ROCK2: variants seen among roughly 807,000 people sequenced by gnomAD.
ROCK2 encodes the protein Rho associated coiled-coil containing protein kinase 2, also known as rho-associated protein kinase 2.
A neutral mutation model predicts 195.1 loss-of-function variants in ROCK2; 61 were observed. The observed-to-expected ratio is 0.31, with a 90% CI of 0.25 to 0.39. The LOEUF (loss-of-function observed/expected upper bound fraction) is 0.39, where lower values mean the gene tolerates loss of function less well. Ranked by LOEUF, ROCK2 falls within the 10% of genes least tolerant of loss-of-function variation. The probability of loss-of-function intolerance (pLI) is 1.00; values close to 1 mark genes in which losing one functional copy is unlikely to be tolerated. For missense variants in ROCK2, 1,109 were observed against 1,637.4 expected (o/e 0.68, Z 5.57); for synonymous variants, 504 against 545.5 (o/e 0.92, Z 1.06).
chr2:11,234,952 G>A (rs2148103603), intron 5 of ROCK2, among the ~76,000 whole-genome samples: 1 of 152,128 alleles, frequency 6.6e-6, no homozygotes, highest in South Asian at 2.1e-4. Context: ...TAAGCATACT[G>A]GAAAGTTATA....
intron 1 of ROCK2, among the ~76,000 whole-genome samples, chr2:11,335,021 A>G (rs1572424038): frequency 6.6e-6 from 1 of 152,252 alleles, no homozygotes; most frequent in East Asian, 1.9e-4. Context: ...GTACCAAACC[A>G]TAAAATCATT....
chr2:11,319,592 TTC>T (rs1668338023), intron 1 of ROCK2, among the ~76,000 whole-genome samples: 1 of 152,276 alleles, frequency 6.6e-6, no homozygotes, highest in African/African-American at 2.4e-5. Flanking sequence ...TACCCTTTAT[TTC>T]TTTCTCCTGC....
chr2:11,310,909 C>A (rs72789527), intron 1 of ROCK2, among the ~76,000 whole-genome samples: 6,438 of 151,780 alleles, frequency 0.042, 278 homozygotes, highest in Non-Finnish European at 0.06. Flanking sequence ...GAAGATTTCA[C>A]CTCTGTGAGA....
chr2:11,252,939 TATAATAATAATAATAATA>T (rs199970738), intron 3 of ROCK2, among the ~76,000 whole-genome samples: 11,507 of 143,292 alleles, frequency 0.08, 633 homozygotes, highest in African/African-American at 0.14. Flanking sequence ...AACTTAAAAG[TATAATAATAATAATAATA>T]ATAATAATAA....
chr2:11,262,551 G>A (rs912407589), intron 3 of ROCK2, among the ~76,000 whole-genome samples: 1 of 152,144 alleles, frequency 6.6e-6, no homozygotes, highest in African/African-American at 2.4e-5. Context: ...TCTCATGATA[G>A]TAAGTAGTAA....
intron 3 of ROCK2, among the ~76,000 whole-genome samples, chr2:11,283,514 T>C (rs1257824250): frequency 2.1e-5 from 3 of 141,954 alleles, no homozygotes; most frequent in Non-Finnish European, 3.0e-5. Flanking sequence ...TGAGCCGAGA[T>C]TGCGCCACTG....
Position 11,192,561 on chromosome 2 carries a change from G to A in ROCK2, c.3839C>T (p.Pro1280Leu). 1.2e-6 allele frequency: 2 copies of A among 1,614,024 alleles called. No homozygotes were observed. The highest frequency in any genetic ancestry group is 1.7e-6 in the Non-Finnish European group (2 of 1,180,002). Reference protein sequence around the residue: ...FPTNCEACMKPLWHMFKPPPA... With the variant: ...FPTNCEACMKLLWHMFKPPPA... ...AGGAGGCTTAAACATGTGCCACAGGGGCTTCATACAAGCCTCACAGTTGGT... is the reference window on the plus strand; with the variant it reads ...AGGAGGCTTAAACATGTGCCACAGGAGCTTCATACAAGCCTCACAGTTGGT... Residue 1280 changes from proline (P) to leucine (L), a missense_variant, in exon 31 of 33, where the codon CCC becomes CTC. By Grantham distance (98) the Pro-to-Leu change is moderately conservative (BLOSUM62 -3). This residue lies in a region of ROCK2 where 221 missense variants were observed against 355.1 expected (regional missense o/e 0.62). Transcript: ENST00000315872. This position sits in a 1 kb window ranked among gnomAD's most constrained non-coding sequence, Gnocchi z 5.0.
intron 1 of ROCK2, among the ~76,000 whole-genome samples, chr2:11,306,360 T>G (rs1667857888): frequency 6.6e-6 from 1 of 152,194 alleles, no homozygotes; most frequent in Admixed American, 6.5e-5. Flanking sequence ...GAGAACTTAT[T>G]ATAATATGTA....
intron 15 of ROCK2, 32 bp downstream of exon 15, chr2:11,215,289 C>A: frequency 6.6e-7 from 1 of 1,515,876 alleles, no homozygotes; most frequent in East Asian, 2.3e-5. Context: ...AAATAAAACC[C>A]AGTATCTTTA....
At position 11,308,831 on chromosome 2, in the gene ROCK2, A is replaced by G; in HGVS notation, c.142-21095T>C. 3 of 1,611,588 alleles carry G rather than the reference A, an allele frequency of 1.9e-6. No individual in the cohort carries two copies. The South Asian group carries it at 3.3e-5, about 18-fold the overall frequency. On this transcript the variant is annotated intron_variant, in intron 1 of 32. Transcript: ENST00000315872. ...GATGGATGAAATTAAACTTGGGCCA[A>G]ATGTAATAGAACTATACAAGAAACC...
Position 11,344,572 on chromosome 2 carries a change from C to T in ROCK2, c.-436G>A. The T allele has an allele frequency of 5.7e-6, 5 of 873,106 alleles. No homozygotes were observed. Among genetic ancestry groups the T allele is most frequent in the Non-Finnish European group, 6.9e-6 (5 of 729,506 alleles). The allele number at this position is 873,106 out of a possible 1,614,324, so 54.1% of individuals were successfully genotyped here. On this transcript the variant is annotated 5_prime_UTR_variant, in exon 1 of 33. Transcript: ENST00000315872. The surrounding 1 kb of genome is among the most constrained non-coding windows in gnomAD (Gnocchi z 5.4). The stretch of plus-strand genomic sequence containing the variant: ...GCCGCCGGCCCGCTGCCATGGTCGC[C>T]GCCGGCCGCCTTGCAGTCCCTCAGC...
At position 11,192,252 on chromosome 2, in the gene ROCK2, T is replaced by G. The variant is rs755243536; in HGVS notation, c.4059A>C (p.Pro1353=). 1.2e-6 allele frequency: 2 copies of G among 1,613,892 alleles called. No homozygotes were observed. Among genetic ancestry groups the G allele is most frequent in the Non-Finnish European group, 1.7e-6 (2 of 1,179,972 alleles). ...RLVKKIPKKP[P]APDPFARSSP... ...ATGATCGGGCAAAAGGGTCTGGAGC[T>G]GGGGGCTTTTTAGGTATCTTTTTCA... The change falls in exon 32 of 33, where the codon CCA becomes CCC. Residue 1353 remains proline (P), a synonymous_variant. Transcript: ENST00000315872. This position sits in a 1 kb window ranked among gnomAD's most constrained non-coding sequence, Gnocchi z 5.0.
chr2:11,276,746 T>C, intron 3 of ROCK2, among the ~76,000 whole-genome samples: 1 of 152,142 alleles, frequency 6.6e-6, no homozygotes, highest in Non-Finnish European at 1.5e-5. Context: ...ACAGCAACAA[T>C]ATATTCAGTA....
At chr2:11,323,872 G>C (rs186323364) in intron 1 of ROCK2, among the ~76,000 whole-genome samples, 1 of 152,050 alleles carries the variant, frequency 6.6e-6, no homozygotes. Flanking sequence ...TATAGTTACC[G>C]TCAGTATTCA....
chr2:11,216,351 T>C (rs2148067665), intron 12 of ROCK2, 145 bp from the exon 13 acceptor site: 1 of 635,724 alleles, frequency 1.6e-6, no homozygotes, highest in Admixed American at 2.8e-5. Context: ...CAGACTGGAA[T>C]GCAGTGGCGC....
chr2:11,180,716 T>C lies in ROCK2; in HGVS notation c.*2721A>G, dbSNP rs1662948213. ...AAGGAACAAGCAAATTTTAGTCTTATATTTATCTTGGAAGCTTCAGGGCCT... is the reference window on the plus strand; with the variant it reads ...AAGGAACAAGCAAATTTTAGTCTTACATTTATCTTGGAAGCTTCAGGGCCT... On this transcript the variant is annotated 3_prime_UTR_variant, in exon 33 of 33. Transcript: ENST00000315872. The C allele has an allele frequency of 6.6e-6, 1 of 152,220 alleles. No individual in the cohort carries two copies. Among genetic ancestry groups the C allele is most frequent in the South Asian group, 2.1e-4 (1 of 4,836 alleles). The allele number at this position is 152,220 out of a possible 1,614,324, so 9.4% of individuals were successfully genotyped here.
intron 3 of ROCK2, among the ~76,000 whole-genome samples, chr2:11,281,675 A>G (rs1183078253): frequency 6.6e-6 from 1 of 152,236 alleles, no homozygotes; most frequent in Non-Finnish European, 1.5e-5. Context: ...TCTGTATATG[A>G]GCAATGTATA....
rs1558268169 is a variant in ROCK2 at position 11,182,444 on chromosome 2, A to C, written c.*993T>G. ...CAGACTAATACTGAGGTCTGTAAAA[A>C]GAGTTGAATGAATAATAGACAGACA... On this transcript the variant is annotated 3_prime_UTR_variant, in exon 33 of 33. Transcript: ENST00000315872. The C allele has an allele frequency of 6.6e-6, 1 of 152,254 alleles. No individual in the cohort carries two copies. The highest frequency in any genetic ancestry group is 1.5e-5 in the Non-Finnish European group (1 of 68,040). 9.4% of individuals were successfully genotyped at this position (152,254 alleles called of 1,614,324 possible).
chr2:11,290,848 T>A (rs1433786995), intron 1 of ROCK2, among the ~76,000 whole-genome samples: 1 of 151,954 alleles, frequency 6.6e-6, no homozygotes, highest in Non-Finnish European at 1.5e-5. Context: ...AACAACAACA[T>A]CTTATTGCCC....
Sources: allele counts gnomAD v4.1 joint callset (sites outside exome capture counted in the v4.1 genomes callset), GRCh38; gene constraint gnomAD v4.1.1; regional missense constraint gnomAD v4.1.1; non-coding constraint Gnocchi (gnomAD v3.1); transcripts MANE v1.5; gene names NCBI Gene and HGNC (gene_info 2026-07-23, HGNC 2026-07-21).